Variants in ARHGEF4 observed in about 807,000 individuals in gnomAD.
ARHGEF4 encodes APC-stimulated guanine nucleotide exchange factor 1.
A neutral mutation model predicts 162.0 loss-of-function variants in ARHGEF4; 119 were observed. The ratio of observed to expected loss-of-function variants is 0.73; its 90% CI spans 0.63 to 0.86. The LOEUF (loss-of-function observed/expected upper bound fraction) is 0.86, where lower values mean the gene tolerates loss of function less well. Ranked by LOEUF, ARHGEF4 falls within the 40% of genes least tolerant of loss-of-function variation. ARHGEF4 has a pLI of 0.00. For synonymous variants in ARHGEF4, 1,014 were observed against 979.9 expected (o/e 1.03, Z -0.65); for missense variants, 2,488 against 2,456.0 (o/e 1.01, Z -0.28).
At chr2:131,033,078 C>T (rs1312742549) in intron 5 of ARHGEF4, among the ~76,000 whole-genome samples, 1 of 152,004 alleles carries the variant, frequency 6.6e-6, no homozygotes, top group Non-Finnish European at 1.5e-5. Flanking sequence ...GTCTCGAACT[C>T]CTGAGCTCAA....
chr2:130,980,389 CAAAA>C (rs70994728), intron 4 of ARHGEF4, among the ~76,000 whole-genome samples: 3 of 141,448 alleles, frequency 2.1e-5, no homozygotes, highest in African/African-American at 7.9e-5. Context: ...GACCATGTCT[CAAAA>C]AAAAAAAAAA....
chr2:130,995,760 C>T (rs1273981112), intron 4 of ARHGEF4, among the ~76,000 whole-genome samples: 1 of 152,118 alleles, frequency 6.6e-6, no homozygotes, highest in Non-Finnish European at 1.5e-5. Context: ...AGAACTCGCC[C>T]ATGCTTCTAG....
intron 1 of ARHGEF4, among the ~76,000 whole-genome samples, chr2:130,846,355 A>C (rs1160014469): frequency 1.3e-5 from 2 of 152,152 alleles, no homozygotes. Context: ...GGGTGCTGGG[A>C]TCCCAGGAGC....
At position 130,916,844 on chromosome 2, in the gene ARHGEF4, G is replaced by C. The variant is rs1264397034; in HGVS notation, c.2898G>C (p.Lys966Asn). The stretch of plus-strand genomic sequence containing the variant: ...GCAAAGATGCCGGAAGCCCCAAAAA[G>C]CCCACCCTAGTGAGTCTGCCTCTAG... ...LKSKDAGSPK[K>N]PTLVSLPLGP... Residue 966 changes from lysine (K) to asparagine (N), a missense_variant, in exon 2 of 14, where the codon AAG (lysine) becomes AAC (asparagine). Physicochemically the swap from Lys to Asn is moderately conservative, Grantham distance 94. Around this residue, in one of 6 missense-constraint regions of ARHGEF4, gnomAD observed 1,642 missense variants for 1,481.5 expected, o/e 1.11. Coordinates refer to ENST00000409359, the MANE Select transcript of ARHGEF4 (RefSeq NM_001367493.1). The C allele has an allele frequency of 6.4e-7, 1 of 1,550,422 alleles. No homozygotes were observed. Among genetic ancestry groups the C allele is most frequent in the Middle Eastern group, 1.7e-4 (1 of 5,992 alleles).
intron 4 of ARHGEF4, among the ~76,000 whole-genome samples, chr2:131,008,754 A>G (rs879585215): frequency 1.8e-4 from 27 of 152,016 alleles, no homozygotes; most frequent in East Asian, 1.9e-4. Flanking sequence ...ATATCTTTTC[A>G]TAGTCTACTA....
At chr2:130,960,394 G>A (rs1227999640) in intron 4 of ARHGEF4, among the ~76,000 whole-genome samples, 1 of 152,160 alleles carries the variant, frequency 6.6e-6, no homozygotes, top group Non-Finnish European at 1.5e-5. Flanking sequence ...TCACCCTACA[G>A]TATTCAGTAC....
chr2:130,995,252 CTT>C (rs1249148743), intron 4 of ARHGEF4, among the ~76,000 whole-genome samples: 2 of 152,206 alleles, frequency 1.3e-5, no homozygotes, highest in Non-Finnish European at 2.9e-5. Flanking sequence ...TTCTCTGAAT[CTT>C]TCTGTCTGAC....
intron 4 of ARHGEF4, among the ~76,000 whole-genome samples, chr2:130,976,754 C>T (rs527991685): frequency 2.1e-4 from 32 of 152,328 alleles, no homozygotes; most frequent in Middle Eastern, 6.8e-3. Context: ...CTGGCTCCCG[C>T]AGAAGAGGGC....
chr2:131,022,588 C>A (rs1689202553), intron 4 of ARHGEF4, among the ~76,000 whole-genome samples: 1 of 149,650 alleles, frequency 6.7e-6, no homozygotes, highest in Non-Finnish European at 1.5e-5. Flanking sequence ...CAAATGATGC[C>A]AGAAATAATA....
intron 1 of ARHGEF4, among the ~76,000 whole-genome samples, chr2:130,878,223 A>G (rs2104951446): frequency 6.6e-6 from 1 of 152,268 alleles, no homozygotes; most frequent in South Asian, 2.1e-4. Flanking sequence ...TCAAAACACA[A>G]AAATCATTCT....
intron 4 of ARHGEF4, among the ~76,000 whole-genome samples, chr2:130,972,343 G>C: frequency 6.6e-6 from 1 of 152,060 alleles, no homozygotes. Flanking sequence ...TGAAAGAAAA[G>C]AAAAAGGAGA....
At chr2:130,988,901 T>TATATATAGAGAGAGAGAG (rs1469212068) in intron 4 of ARHGEF4, among the ~76,000 whole-genome samples, 1 of 113,366 alleles carries the variant, frequency 8.8e-6, no homozygotes, top group East Asian at 2.8e-4. Flanking sequence ...TATATATATA[T>TATATATAGAGAGAGAGAG]AGAGAGAGAG....
chr2:130,966,900 T>C (rs1283960172), intron 4 of ARHGEF4, among the ~76,000 whole-genome samples: 2 of 152,222 alleles, frequency 1.3e-5, no homozygotes, highest in African/African-American at 4.8e-5. Context: ...TGATTGCACA[T>C]TGTGTTTCTG....
intron 4 of ARHGEF4, among the ~76,000 whole-genome samples, chr2:131,005,343 G>A (rs977389035): frequency 3.3e-5 from 5 of 152,196 alleles, no homozygotes; most frequent in East Asian, 1.9e-4. Flanking sequence ...AGCCCTCCCC[G>A]GTGAGCTACC....
intron 10 of ARHGEF4, among the ~76,000 whole-genome samples, chr2:131,042,267 G>A (rs1690875717): frequency 6.6e-6 from 1 of 152,214 alleles, no homozygotes; most frequent in South Asian, 2.1e-4. Flanking sequence ...CAGGGGACAG[G>A]CCAGATCCCT....
chr2:131,035,140 G>C, intron 5 of ARHGEF4: 2 of 1,197,626 alleles, frequency 1.7e-6, no homozygotes, highest in Non-Finnish European at 2.1e-6. Flanking sequence ...GCCCGGGAAC[G>C]CCCTGCGCGC....
At chr2:131,030,012 T>A (rs1256632547) in intron 5 of ARHGEF4, among the ~76,000 whole-genome samples, 2 of 152,202 alleles carry the variant, frequency 1.3e-5, no homozygotes, top group Non-Finnish European at 2.9e-5. Context: ...GGTGTGAGGC[T>A]GTGCAGGGCT....
At chr2:130,837,582 G>C in intron 1 of ARHGEF4, 1 of 449,412 alleles carries the variant, frequency 2.2e-6, no homozygotes. Flanking sequence ...CACCATCCGG[G>C]ACCCACTCAG....
rs993219917 is a variant in ARHGEF4 at position 130,952,212 on chromosome 2, G to A, written c.3985+5577G>A. ...TATTTCTTATAAGTTAGGTCTACTA[G>A]CAACAAATTTTCTCAGTTTTGTTTA... On this transcript the variant is annotated intron_variant, in intron 4 of 13. Coordinates refer to ENST00000409359, the MANE Select transcript of ARHGEF4 (RefSeq NM_001367493.1). 2.0e-5 allele frequency among the ~76,000 whole-genome samples: 3 copies of A among 152,044 alleles called. No homozygotes were observed. In the East Asian group the frequency reaches 5.8e-4, roughly 29 times the overall value.
Sources: gnomAD v4.1 joint callset for allele counts (sites outside exome capture counted in the v4.1 genomes callset) on GRCh38, gnomAD v4.1.1 for gene constraint, gnomAD v4.1.1 regional missense constraint, MANE v1.5 for transcripts, NCBI Gene and HGNC (gene_info 2026-07-23, HGNC 2026-07-21) for gene names.